Variants in FBXL20 observed in about 807,000 individuals in gnomAD.
FBXL20 encodes F-box/LRR-repeat protein 20.
Under a neutral mutation model 64.0 loss-of-function variants are expected in FBXL20, and 11 were observed. That is an observed-to-expected ratio of 0.17 (90% confidence interval 0.11 to 0.28). The LOEUF (loss-of-function observed/expected upper bound fraction) is 0.28. Ranked by LOEUF, FBXL20 falls within the 10% of genes least tolerant of loss-of-function variation. The probability of loss-of-function intolerance (pLI) is 1.00; values close to 1 mark genes in which losing one functional copy is unlikely to be tolerated. For missense variants in FBXL20, 303 were observed against 526.2 expected, an observed-to-expected ratio of 0.58 and a Z score of 4.15; for synonymous variants, 184 against 189.0, an observed-to-expected ratio of 0.97 and a Z score of 0.22.
Position 39,258,422 on chromosome 17 carries a change from G to A in FBXL20, c.*3038C>T, listed in dbSNP as rs572844697. The A allele has an allele frequency of 6.6e-6, 1 of 152,304 alleles. No individual in the cohort carries two copies. Among genetic ancestry groups the A allele is most frequent in the African/African-American group, 2.4e-5 (1 of 41,574 alleles). 9.4% of individuals were successfully genotyped at this position (152,304 alleles called of 1,614,324 possible). A position where few individuals can be genotyped will look rare whatever the true frequency, so the allele number is the denominator to read the frequency against. On this transcript the variant is annotated 3_prime_UTR_variant, in exon 15 of 15. Transcript: ENST00000264658. ...TAGGCCTGAAGTTTTCTTGAGAAAG[G>A]AACAAGGCTTCTGCCTGACAACATA...
Position 39,353,304 on chromosome 17 carries a change from T to C in FBXL20, c.43-10063A>G, listed in dbSNP as rs181916281. Among the ~76,000 whole-genome samples the C allele has an allele frequency of 1.3e-3, 191 of 152,272 alleles. 1 individual carries two copies. The highest frequency in any genetic ancestry group is 4.3e-3 in the African/African-American group (180 of 41,582). On this transcript the variant is annotated intron_variant, in intron 1 of 14. Coordinates refer to ENST00000264658, the MANE Select transcript of FBXL20 (RefSeq NM_032875.3). ...ACTAAAACTTACTAAACTTACTAAG[T>C]ACCTCCTTATCAGTGGTTTTCCTTT...
rs542002638 is a variant in FBXL20 at position 39,394,439 on chromosome 17, ATTT to A, written c.42+6919_42+6921del. 7.5e-5 allele frequency among the ~76,000 whole-genome samples: 11 copies of A among 146,126 alleles called. No individual in the cohort carries two copies. In the South Asian group the frequency reaches 2.4e-3, roughly 31 times the overall value. ...AGGCACCTGCCACCACGCCAGGCTAATTTTTTTTTTTGTATTTTTAGTAGAGAT... is the reference window on the plus strand; with the variant it reads ...AGGCACCTGCCACCACGCCAGGCTAATTTTTTTTGTATTTTTAGTAGAGAT... On this transcript the variant is annotated intron_variant, in intron 1 of 14. Coordinates refer to ENST00000264658, the MANE Select transcript of FBXL20 (RefSeq NM_032875.3).
intron 1 of FBXL20, among the ~76,000 whole-genome samples, chr17:39,349,931 G>A (rs1384315849): frequency 7.9e-6 from 1 of 126,860 alleles, no homozygotes. Context: ...GCGAGACTCC[G>A]TCTCAAAAAA....
chr17:39,401,501 C>T lies in FBXL20; in HGVS notation c.-99G>A. 6.7e-7 allele frequency: 1 copy of T among 1,500,118 alleles called. No individual in the cohort carries two copies. The highest frequency in any genetic ancestry group is 1.3e-5 in the South Asian group (1 of 77,466). 92.9% of individuals were successfully genotyped at this position (1,500,118 alleles called of 1,614,324 possible). A position where few individuals can be genotyped will look rare whatever the true frequency, so the allele number is the denominator to read the frequency against. On this transcript the variant is annotated 5_prime_UTR_variant, in exon 1 of 15. Transcript: ENST00000264658. Reference sequence around the variant, plus strand: ...CGGGAGTTCCGGGACGGGGACTGGGCGCCGGAGGGGTGACGCCGGGACCGT... The same window carrying T: ...CGGGAGTTCCGGGACGGGGACTGGGTGCCGGAGGGGTGACGCCGGGACCGT...
rs1044610136 is a variant in FBXL20 at position 39,264,295 on chromosome 17, C to G, written c.1083G>C (p.Leu361=). 2 of 1,614,046 alleles carry G rather than the reference C, an allele frequency of 1.2e-6. No homozygotes were observed. Among genetic ancestry groups the G allele is most frequent in the Admixed American group, 3.3e-5 (2 of 59,994 alleles). ...CATCTGTGATTAGTGGGCAGTTGTC[C>G]AGCTCAATCACCTCCAGCTGGTCAT... ...CAHDQLEVIE[L]DNCPLITDAS... The change falls in exon 14 of 15, where the codon CTG becomes CTC. Residue 361 remains leucine (L), a synonymous_variant. Transcript: ENST00000264658.
At chr17:39,380,750 A>G (rs940775873) in intron 1 of FBXL20, among the ~76,000 whole-genome samples, 8 of 152,200 alleles carry the variant, frequency 5.3e-5, no homozygotes, top group Non-Finnish European at 7.3e-5. Context: ...CTCAGCATCT[A>G]TAAGAACACC....
At chr17:39,402,493 A>T, upstream of FBXL20, 3 of 202,306 alleles carry the variant, frequency 1.5e-5, no homozygotes, top group Non-Finnish European at 2.0e-5. Flanking sequence ...TCGGGGGTGC[A>T]GGGCTGGAGC....
rs751863486 is a variant in FBXL20, at chr17:39,344,878, T to G, written c.43-1637A>C. Among the ~76,000 whole-genome samples, 18 of 152,328 alleles carry G rather than the reference T, an allele frequency of 1.2e-4. No individual in the cohort carries two copies. The East Asian group carries it at 3.3e-3, about 28-fold the overall frequency. ...CAACAGTGCTTCATAACTGCCACCA[T>G]AGTGGCATCAAGTGCATCACTTGAT... On this transcript the variant is annotated intron_variant, in intron 1 of 14. Transcript: ENST00000264658.
At chr17:39,356,296 T>C (rs1382231884) in intron 1 of FBXL20, among the ~76,000 whole-genome samples, 3 of 151,992 alleles carry the variant, frequency 2.0e-5, no homozygotes, top group African/African-American at 7.2e-5. Flanking sequence ...AATTATCATA[T>C]GTGGTATGAG....
chr17:39,385,516 A>G lies in FBXL20; in HGVS notation c.42+15845T>C, dbSNP rs542192635. 2.1e-3 allele frequency among the ~76,000 whole-genome samples: 323 copies of G among 152,326 alleles called. 3 individuals are homozygous for G. The highest frequency in any genetic ancestry group is 7.6e-3 in the African/African-American group (315 of 41,586). ...AATTAAACCACAGGCCTATTCCTAT[A>G]ACTGTCTTATTTTAGTAAAACAGAA... is the stretch of plus-strand genomic sequence containing the variant. On this transcript the variant is annotated intron_variant, in intron 1 of 14. Transcript: ENST00000264658.
intron 10 of FBXL20, 110 bp downstream of exon 10, chr17:39,274,860 T>C: frequency 7.0e-7 from 1 of 1,419,328 alleles, no homozygotes; most frequent in Non-Finnish European, 9.6e-7. Context: ...ACCTTAAAAT[T>C]TCAAAGCGTC....
chr17:39,337,111 G>C (rs1182565596), intron 2 of FBXL20, among the ~76,000 whole-genome samples: 2 of 152,112 alleles, frequency 1.3e-5, no homozygotes, highest in South Asian at 4.2e-4. Context: ...TCAGCCTGCC[G>C]AGTGCCTGGG....
chr17:39,401,765 G>A (rs930807839), upstream of FBXL20: 15 of 1,039,238 alleles, frequency 1.4e-5, no homozygotes, highest in South Asian at 3.9e-5. Flanking sequence ...GCGGCGGCGC[G>A]AGACCACCCC....
intron 1 of FBXL20, among the ~76,000 whole-genome samples, chr17:39,362,854 G>A (rs2047811834): frequency 6.6e-6 from 1 of 151,866 alleles, no homozygotes; most frequent in Non-Finnish European, 1.5e-5. Context: ...CTGACCTCAA[G>A]TGATCTGCCT....
At chr17:39,290,676 C>G (rs796468321) in intron 6 of FBXL20, among the ~76,000 whole-genome samples, 49 of 152,058 alleles carry the variant, frequency 3.2e-4, no homozygotes, top group African/African-American at 1.1e-3. Context: ...GCGATCCTCC[C>G]ACCTCAGCCT....
intron 3 of FBXL20, among the ~76,000 whole-genome samples, chr17:39,302,736 C>T (rs763787286): frequency 7.9e-5 from 12 of 152,046 alleles, no homozygotes; most frequent in Non-Finnish European, 1.3e-4. Flanking sequence ...TCTTGAACTC[C>T]TGGCCTCAAG....
At chr17:39,377,055 G>A (rs748104424) in intron 1 of FBXL20, among the ~76,000 whole-genome samples, 8 of 152,068 alleles carry the variant, frequency 5.3e-5, no homozygotes, top group Non-Finnish European at 1.0e-4. Context: ...CTTGCCTGGG[G>A]ACTAGATTGC....
rs1313158672 is a variant in FBXL20, at chr17:39,362,742, A to G, written c.43-19501T>C. ...AGTGATTCTCCTGCCTCAGCCTCCC[A>G]AACAGCTGGGATTACAGGCATGCGC... On this transcript the variant is annotated intron_variant, in intron 1 of 14. Coordinates refer to ENST00000264658, the MANE Select transcript of FBXL20 (RefSeq NM_032875.3). 1.8e-4 allele frequency among the ~76,000 whole-genome samples: 26 copies of G among 144,284 alleles called. 1 individual carries two copies. Among genetic ancestry groups the G allele is most frequent in the Non-Finnish European group, 9.1e-5 (6 of 65,834 alleles). The allele number at this position is 144,284 out of a possible 152,430, so 94.7% of individuals were successfully genotyped here.
chr17:39,264,144 TAGAGTTGG>T, intron 14 of FBXL20, 23 bp downstream of exon 14: 1 of 1,598,766 alleles, frequency 6.3e-7, no homozygotes, highest in African/African-American at 1.3e-5. Context: ...CTGCTAACAC[TAGAGTTGG>T]AGAGTTATGT....
Sources: gnomAD v4.1 joint callset for allele counts (sites outside exome capture counted in the v4.1 genomes callset) on GRCh38, gnomAD v4.1.1 for gene constraint, MANE v1.5 for transcripts, NCBI Gene and HGNC (gene_info 2026-07-23, HGNC 2026-07-21) for gene names.